Variants in PCED1B observed in about 807,000 individuals in gnomAD.
PCED1B encodes PC-esterase domain containing 1B, also known as PC-esterase domain-containing protein 1B.
For synonymous variants in PCED1B, 251 were observed against 246.1 expected (o/e 1.02, Z -0.19); for missense variants, 573 against 573.9 (o/e 1.00, Z 0.02).
chr12:47,114,080 T>A (rs982891820), intron 2 of PCED1B, among the ~76,000 whole-genome samples: 1 of 152,196 alleles, frequency 6.6e-6, no homozygotes, highest in Non-Finnish European at 1.5e-5. Flanking sequence ...AGGACTTAGA[T>A]AATTGACTAC....
rs1033747271 is a variant in PCED1B at position 47,123,046 on chromosome 12, C to T, written c.-526+18851C>T. ...AGAAAATAAGCCTTTTAGGTTAGAACGAAGAATTATTTGTCATCTGCCTTA... is the reference window on the plus strand; with the variant it reads ...AGAAAATAAGCCTTTTAGGTTAGAATGAAGAATTATTTGTCATCTGCCTTA... On this transcript the variant is annotated intron_variant, in intron 2 of 3. Transcript: ENST00000546455. Among the ~76,000 whole-genome samples, 24 of 152,076 alleles carry T rather than the reference C, an allele frequency of 1.6e-4. 1 individual carries two copies. The highest frequency in any genetic ancestry group is 5.9e-4 in the Admixed American group (9 of 15,262).
intron 1 of PCED1B, among the ~76,000 whole-genome samples, chr12:47,085,428 T>G (rs1354603616): frequency 6.6e-6 from 1 of 152,234 alleles, no homozygotes. Context: ...AAGTTCTTTA[T>G]AGTTGAGAGG....
chr12:47,151,224 A>C (rs1940982464), intron 2 of PCED1B, among the ~76,000 whole-genome samples: 1 of 152,062 alleles, frequency 6.6e-6, no homozygotes, highest in Non-Finnish European at 1.5e-5. Flanking sequence ...CTGTATATAC[A>C]ACAGTGATCC....
intron 2 of PCED1B, among the ~76,000 whole-genome samples, chr12:47,165,953 A>T (rs1941531372): frequency 1.3e-5 from 2 of 152,186 alleles, no homozygotes; most frequent in African/African-American, 4.8e-5. Flanking sequence ...TGATTTCTTT[A>T]GGCTACATCT....
chr12:47,180,832 G>T (rs968934814), intron 2 of PCED1B, among the ~76,000 whole-genome samples: 1 of 151,920 alleles, frequency 6.6e-6, no homozygotes, highest in Non-Finnish European at 1.5e-5. Context: ...CAAACATCTG[G>T]GGAAAAAAGC....
intron 2 of PCED1B, among the ~76,000 whole-genome samples, chr12:47,117,000 T>C (rs1434067259): frequency 6.6e-6 from 1 of 152,164 alleles, no homozygotes; most frequent in African/African-American, 2.4e-5. Flanking sequence ...TAACCAGATA[T>C]GGTGGTGCAT....
chr12:47,091,063 A>T (rs969180974), intron 1 of PCED1B, among the ~76,000 whole-genome samples: 8 of 151,996 alleles, frequency 5.3e-5, no homozygotes, highest in Non-Finnish European at 1.2e-4. Flanking sequence ...ATGCCTTGAA[A>T]TCTGTTTGAT....
intron 1 of PCED1B, among the ~76,000 whole-genome samples, chr12:47,103,052 C>A (rs1471219036): frequency 6.6e-6 from 1 of 151,864 alleles, no homozygotes; most frequent in Non-Finnish European, 1.5e-5. Flanking sequence ...GACACATACT[C>A]GGTGGAGTAT....
At position 47,236,235 on chromosome 12, in the gene PCED1B, G is replaced by C. The variant is rs375607179; in HGVS notation, c.1172G>C (p.Arg391Pro). The change falls in exon 4 of 4, where the codon CGG becomes CCG. Residue 391 changes from arginine to proline, a missense_variant. Coordinates refer to ENST00000546455, the MANE Select transcript of PCED1B (RefSeq NM_138371.3). ...MPFFPTPRYQ[R>P]PAPVVHRGFG... is the part of the protein sequence containing the mutation. ...TTCTTCCCCACACCCCGTTATCAGC[G>C]GCCTGCCCCAGTGGTACATAGGGGT... 9.9e-6 allele frequency: 16 copies of C among 1,613,918 alleles called. No homozygotes were observed. The highest frequency in any genetic ancestry group is 1.2e-5 in the Non-Finnish European group (14 of 1,180,002).
intron 2 of PCED1B, among the ~76,000 whole-genome samples, chr12:47,157,883 A>G (rs1941246082): frequency 1.3e-5 from 2 of 152,204 alleles, no homozygotes; most frequent in South Asian, 4.1e-4. Context: ...TCTCAAATAA[A>G]TGGAATCAGT....
intron 1 of PCED1B, among the ~76,000 whole-genome samples, chr12:47,085,716 A>G (rs1449066393): frequency 6.6e-6 from 1 of 152,240 alleles, no homozygotes; most frequent in African/African-American, 2.4e-5. Context: ...TACCTGTGCC[A>G]TAACAGTGTT....
At chr12:47,126,120 G>A (rs1387239160) in intron 2 of PCED1B, among the ~76,000 whole-genome samples, 2 of 151,864 alleles carry the variant, frequency 1.3e-5, no homozygotes, top group East Asian at 3.9e-4. Flanking sequence ...TTCGTCATTA[G>A]GTATGATGAT....
At chr12:47,130,382 A>G (rs1218411523) in intron 2 of PCED1B, among the ~76,000 whole-genome samples, 1 of 152,184 alleles carries the variant, frequency 6.6e-6, no homozygotes, top group African/African-American at 2.4e-5. Context: ...TGTGATTTTC[A>G]CTATATGTTT....
At chr12:47,169,249 A>G (rs1035604684) in intron 2 of PCED1B, among the ~76,000 whole-genome samples, 1 of 152,190 alleles carries the variant, frequency 6.6e-6, no homozygotes, top group Non-Finnish European at 1.5e-5. Context: ...AGCAAACTGG[A>G]GGAAACTTAG....
At chr12:47,170,766 C>G (rs567861278) in intron 2 of PCED1B, among the ~76,000 whole-genome samples, 1 of 152,260 alleles carries the variant, frequency 6.6e-6, no homozygotes, top group African/African-American at 2.4e-5. Flanking sequence ...GAAAATTTAG[C>G]CCATTCATGT....
chr12:47,083,503 C>T (rs1229813225), intron 1 of PCED1B, among the ~76,000 whole-genome samples: 1 of 152,154 alleles, frequency 6.6e-6, no homozygotes, highest in South Asian at 2.1e-4. Flanking sequence ...GAAAAACATA[C>T]CTTTGCCCAA....
chr12:47,199,201 C>T (rs1381557569), intron 2 of PCED1B, among the ~76,000 whole-genome samples: 2 of 151,934 alleles, frequency 1.3e-5, no homozygotes. Flanking sequence ...AATCTAAGGA[C>T]CTATATAAGG....
rs12230566 is a variant in PCED1B at position 47,173,441 on chromosome 12, A to C, written c.-525-42781A>C. Among the ~76,000 whole-genome samples, 123 of 152,242 alleles carry C rather than the reference A, an allele frequency of 8.1e-4. 1 individual carries two copies. The East Asian group carries it at 0.022, about 27-fold the overall frequency. ...GCTAATTTTTGTATTTTTAGTAGAG[A>C]CAGGGTTTCTCCGTGTTAGTCAGGA... On this transcript the variant is annotated intron_variant, in intron 2 of 3. Transcript: ENST00000546455.
At chr12:47,169,433 A>T (rs1306574617) in intron 2 of PCED1B, among the ~76,000 whole-genome samples, 2 of 152,050 alleles carry the variant, frequency 1.3e-5, no homozygotes, top group Admixed American at 1.3e-4. Flanking sequence ...CATTTTTCAG[A>T]TTCCTTCAGC....
Sources: allele counts gnomAD v4.1 joint callset (sites outside exome capture counted in the v4.1 genomes callset), GRCh38; gene constraint gnomAD v4.1.1; transcripts MANE v1.5; gene names NCBI Gene and HGNC (gene_info 2026-07-23, HGNC 2026-07-21).